The following NOX3 variants were observed in gnomAD, a reference collection of about 807,000 sequenced individuals.
The protein encoded by NOX3 is NADPH oxidase catalytic subunit-like 3.
A neutral mutation model predicts 76.7 loss-of-function variants in NOX3; 74 were observed. The ratio of observed to expected loss-of-function variants is 0.96; its 90% CI spans 0.80 to 1.17. The LOEUF is 1.17. Ranked by LOEUF, NOX3 falls within the 50% of genes most tolerant of loss-of-function variation. The pLI, the probability that NOX3 is intolerant of heterozygous loss-of-function variation, is 0.00. For synonymous variants in NOX3, 263 were observed against 261.1 expected, an observed-to-expected ratio of 1.01 and a Z score of -0.07; for missense variants, 695 against 703.3, an observed-to-expected ratio of 0.99 and a Z score of 0.13.
At chr6:155,421,651 C>T (rs562814533) in intron 10 of NOX3, among the ~76,000 whole-genome samples, 4 of 152,164 alleles carry the variant, frequency 2.6e-5, no homozygotes, top group South Asian at 4.1e-4. Context: ...GCTTTGAACT[C>T]CCTAATATTT....
intron 13 of NOX3, among the ~76,000 whole-genome samples, chr6:155,396,237 T>A (rs79577223): frequency 1.3e-5 from 2 of 152,228 alleles, no homozygotes; most frequent in African/African-American, 4.8e-5. Flanking sequence ...TTGTGAAAGA[T>A]AACCTCCATT....
At chr6:155,425,673 GAGT>G (rs980541839) in intron 9 of NOX3, among the ~76,000 whole-genome samples, 2 of 152,192 alleles carry the variant, frequency 1.3e-5, no homozygotes, top group Non-Finnish European at 2.9e-5. Context: ...ACAAAGCCAT[GAGT>G]ACTATTATTG....
At chr6:155,424,073 G>C (rs1776726788) in intron 9 of NOX3, among the ~76,000 whole-genome samples, 1 of 151,980 alleles carries the variant, frequency 6.6e-6, no homozygotes, top group African/African-American at 2.4e-5. Context: ...CTCCTTAGTT[G>C]GTTAATAGTT....
At chr6:155,422,554 A>T in intron 10 of NOX3, 140 bp downstream of exon 10, 1 of 739,940 alleles carries the variant, frequency 1.4e-6, no homozygotes, top group Non-Finnish European at 2.2e-6. Context: ...GGAGATTTTT[A>T]AGAACATAAG....
intron 4 of NOX3, among the ~76,000 whole-genome samples, chr6:155,450,026 A>G (rs1057109970): frequency 6.6e-6 from 1 of 152,178 alleles, no homozygotes; most frequent in African/African-American, 2.4e-5. Context: ...AGGGTTTGGG[A>G]GAAGCAGAGA....
chr6:155,412,134 C>CA (rs569605372), intron 10 of NOX3, among the ~76,000 whole-genome samples: 3 of 152,096 alleles, frequency 2.0e-5, no homozygotes, highest in Non-Finnish European at 4.4e-5. Context: ...CTCACACTCC[C>CA]ACCCCTTGCT....
At chr6:155,445,962 T>C (rs35556917) in intron 4 of NOX3, among the ~76,000 whole-genome samples, 1 of 117,940 alleles carries the variant, frequency 8.5e-6, no homozygotes, top group African/African-American at 3.3e-5. Context: ...ATATGCTATA[T>C]ATATATAATA....
intron 11 of NOX3, among the ~76,000 whole-genome samples, chr6:155,410,836 A>G (rs1275945068): frequency 6.6e-6 from 1 of 152,246 alleles, no homozygotes; most frequent in Non-Finnish European, 1.5e-5. Flanking sequence ...TTAGCTCTGA[A>G]CAGCTCAAGG....
At chr6:155,408,406 G>A (rs1776492907) in intron 11 of NOX3, among the ~76,000 whole-genome samples, 1 of 152,176 alleles carries the variant, frequency 6.6e-6, no homozygotes, top group Admixed American at 6.5e-5. Context: ...CCTATGTGGT[G>A]CTCTATTCAT....
At chr6:155,406,107 A>G (rs1421934778) in intron 12 of NOX3, among the ~76,000 whole-genome samples, 1 of 152,174 alleles carries the variant, frequency 6.6e-6, no homozygotes, top group Non-Finnish European at 1.5e-5. Context: ...TCTTTCCTCA[A>G]ATATGGGAAC....
chr6:155,430,695 C>T (rs969666519), intron 8 of NOX3, 148 bp downstream of exon 8: 3 of 597,228 alleles, frequency 5.0e-6, no homozygotes, highest in African/African-American at 1.9e-5. Flanking sequence ...CTAAAAGATG[C>T]TCAGGATACA....
chr6:155,416,984 C>G (rs1776630150), intron 10 of NOX3, among the ~76,000 whole-genome samples: 1 of 151,972 alleles, frequency 6.6e-6, no homozygotes, highest in South Asian at 2.1e-4. Context: ...CTCCTGGCCT[C>G]AGGTGTTCCG....
chr6:155,410,889 C>A (rs1350688015), intron 11 of NOX3, among the ~76,000 whole-genome samples: 2 of 152,186 alleles, frequency 1.3e-5, no homozygotes, highest in Non-Finnish European at 2.9e-5. Context: ...GATGATACAG[C>A]CAATCAGTAA....
chr6:155,455,703 A>T (rs1777205295), intron 1 of NOX3, 50 bp downstream of exon 1: 1 of 1,444,548 alleles, frequency 6.9e-7, no homozygotes, highest in African/African-American at 1.4e-5. Context: ...TAAAAATCAA[A>T]GACTATTCAA....
chr6:155,430,875 A>G lies in NOX3; in HGVS notation c.859T>C (p.Trp287Arg). 4 of 1,613,518 alleles carry G rather than the reference A, an allele frequency of 2.5e-6. No individual in the cohort carries two copies. Among genetic ancestry groups the G allele is most frequent in the Non-Finnish European group, 3.4e-6 (4 of 1,179,570 alleles). ...ATGACAACTTCTTGTTGAAATCGCC[A>G]GAACCTAATTATTCTTTCACATGCA... ...LYACERIIRF[W>R]RFQQEVVITK... Residue 287 changes from tryptophan (W) to arginine (R), a missense_variant, in exon 8 of 14, where the codon TGG (tryptophan) becomes CGG (arginine). By Grantham distance (101) the Trp-to-Arg change is moderately radical. Coordinates refer to ENST00000159060, the MANE Select transcript of NOX3 (RefSeq NM_015718.3).
At chr6:155,422,331 C>T (rs1016937702) in intron 10 of NOX3, among the ~76,000 whole-genome samples, 1 of 152,202 alleles carries the variant, frequency 6.6e-6, no homozygotes, top group Non-Finnish European at 1.5e-5. Flanking sequence ...GAATTGTACA[C>T]TTGCAACCAC....
intron 4 of NOX3, among the ~76,000 whole-genome samples, chr6:155,446,985 G>A (rs893696837): frequency 6.6e-6 from 1 of 151,934 alleles, no homozygotes; most frequent in Non-Finnish European, 1.5e-5. Context: ...GAAAGAGAAG[G>A]CAGGATACGT....
In NOX3 at chr6:155,398,121, A is replaced by G. The variant is rs576833848; in HGVS notation, c.1581-1159T>C. Among the ~76,000 whole-genome samples the G allele has an allele frequency of 3.3e-5, 5 of 152,264 alleles. No homozygotes were observed. The East Asian group carries it at 5.8e-4, about 18-fold the overall frequency. On this transcript the variant is annotated intron_variant, in intron 12 of 13. Coordinates refer to ENST00000159060, the MANE Select transcript of NOX3 (RefSeq NM_015718.3). ...ACTATTCTTTGTAGCATTTTTTCCA[A>G]TCTCTAGTATAAGCTGAATTAGTTA... is the stretch of plus-strand genomic sequence containing the variant.
At chr6:155,419,429 G>T (rs1054212409) in intron 10 of NOX3, among the ~76,000 whole-genome samples, 1 of 152,164 alleles carries the variant, frequency 6.6e-6, no homozygotes, top group Non-Finnish European at 1.5e-5. Context: ...CGCTCGAGGT[G>T]CAGATACTGA....
Sources: gnomAD v4.1 joint callset for allele counts (sites outside exome capture counted in the v4.1 genomes callset) on GRCh38, gnomAD v4.1.1 for gene constraint, MANE v1.5 for transcripts, NCBI Gene and HGNC (gene_info 2026-07-23, HGNC 2026-07-21) for gene names.